ARL3: variants seen among roughly 807,000 people sequenced by gnomAD.
ARL3 encodes the protein ADP-ribosylation factor-like protein 3.
A neutral mutation model predicts 26.0 loss-of-function variants in ARL3; 9 were observed. The observed-to-expected ratio is 0.35, with a 90% CI of 0.21 to 0.60. ARL3 has a LOEUF of 0.60. ARL3 is among the 20% of genes least tolerant of loss of function. The pLI is 0.78. For missense variants in ARL3, 158 were observed against 215.7 expected, an observed-to-expected ratio of 0.73 and a Z score of 1.67; for synonymous variants, 71 against 78.4, an observed-to-expected ratio of 0.91 and a Z score of 0.50.
At chr10:102,680,311 G>T (rs1364428341) in intron 5 of ARL3, among the ~76,000 whole-genome samples, 2 of 152,042 alleles carry the variant, frequency 1.3e-5, no homozygotes, top group South Asian at 2.1e-4. Flanking sequence ...TGGGGATGAC[G>T]ATCTTACGGT....
chr10:102,702,020 CAA>C (rs34993485), intron 2 of ARL3, among the ~76,000 whole-genome samples: 73,038 of 118,098 alleles, frequency 0.62, 22,203 homozygotes, highest in East Asian at 0.82. Context: ...CCATCTCTAC[CAA>C]AAAAAAAAAA....
chr10:102,713,379 CAG>C (rs2136013826), intron 1 of ARL3, among the ~76,000 whole-genome samples: 2 of 152,294 alleles, frequency 1.3e-5, no homozygotes, highest in Non-Finnish European at 2.9e-5. Flanking sequence ...TTGGGACTGA[CAG>C]AGAAAAGCCT....
intron 1 of ARL3, among the ~76,000 whole-genome samples, chr10:102,708,769 T>C (rs886696968): frequency 6.6e-6 from 1 of 151,502 alleles, no homozygotes; most frequent in Non-Finnish European, 1.5e-5. Flanking sequence ...GGCAGGAGAA[T>C]TGCTTAAACC....
At chr10:102,700,712 C>T (rs1238854715) in intron 2 of ARL3, among the ~76,000 whole-genome samples, 1 of 151,252 alleles carries the variant, frequency 6.6e-6, no homozygotes, top group African/African-American at 2.4e-5. Flanking sequence ...GATCCGCCCA[C>T]CTTGGCCTTC....
chr10:102,699,843 T>A (rs1342816804), intron 2 of ARL3, among the ~76,000 whole-genome samples: 1 of 152,108 alleles, frequency 6.6e-6, no homozygotes, highest in East Asian at 1.9e-4. Context: ...TAACAGGACA[T>A]TTCATGTAAC....
rs544531697 is a variant in ARL3, at chr10:102,714,300, C to G, written c.-25G>C. On this transcript the variant is annotated 5_prime_UTR_variant, in exon 1 of 6. Transcript: ENST00000260746. ...TCCTCCCGCCGAGTCCCTCCTCCTC[C>G]TCCTCCTCCTGCTGCCTCCCCCGTT... The G allele has an allele frequency of 7.6e-7, 1 of 1,311,790 alleles. No homozygotes were observed. The highest frequency in any genetic ancestry group is 9.8e-7 in the Non-Finnish European group (1 of 1,022,124). 81.3% of individuals were successfully genotyped at this position (1,311,790 alleles called of 1,614,324 possible).
chr10:102,701,547 G>A (rs1410323213), intron 2 of ARL3, among the ~76,000 whole-genome samples: 2 of 152,128 alleles, frequency 1.3e-5, no homozygotes, highest in Non-Finnish European at 2.9e-5. Context: ...TAAGCTTATT[G>A]AAAAAAGTTT....
chr10:102,693,259 A>G (rs994209160), intron 3 of ARL3, among the ~76,000 whole-genome samples: 21 of 152,192 alleles, frequency 1.4e-4, no homozygotes, highest in African/African-American at 4.1e-4. Flanking sequence ...TTTGTAAGAA[A>G]CTACCAACTG....
intron 3 of ARL3, among the ~76,000 whole-genome samples, chr10:102,692,799 T>C (rs7902758): frequency 1 from 152,016 of 152,286 alleles, 75,873 homozygotes; most frequent in East Asian, 1. Flanking sequence ...AGCTCCATCT[T>C]CTGGGTTCAT....
rs1168612521 is a variant in ARL3 at position 102,676,902 on chromosome 10, T to C, written c.541A>G (p.Lys181Glu). ...CTCCATTCGTCTAGATTTTATTTCT[T>C]CTTTGCATTGACATTTTTGCAGACC... is the stretch of plus-strand genomic sequence containing the variant. ...NWVCKNVNAK[K>E]K Residue 181 changes from lysine (K) to glutamate (E), a missense_variant, in exon 6 of 6, where the codon AAG becomes GAG. By Grantham distance (56) the Lys-to-Glu change is moderately conservative. Transcript: ENST00000260746. 2 of 1,614,204 alleles carry C rather than the reference T, an allele frequency of 1.2e-6. No individual in the cohort carries two copies. The highest frequency in any genetic ancestry group is 4.5e-5 in the East Asian group (2 of 44,892).
chr10:102,680,224 G>T (rs1251454636), intron 5 of ARL3, among the ~76,000 whole-genome samples: 1 of 152,152 alleles, frequency 6.6e-6, no homozygotes, highest in Non-Finnish European at 1.5e-5. Context: ...GATTACAGGC[G>T]TGAGCCACTG....
chr10:102,709,479 CAAAA>C (rs11290496), intron 1 of ARL3, among the ~76,000 whole-genome samples: 2 of 114,362 alleles, frequency 1.7e-5, no homozygotes. Flanking sequence ...ATATCCCTAC[CAAAA>C]AAAAAAAAAA....
At chr10:102,684,889 C>T (rs148170386) in intron 5 of ARL3, among the ~76,000 whole-genome samples, 1,852 of 150,910 alleles carry the variant, frequency 0.012, 35 homozygotes, top group African/African-American at 0.039. Flanking sequence ...GTGATCCACC[C>T]GCCTCGGCCT....
intron 3 of ARL3, among the ~76,000 whole-genome samples, chr10:102,692,519 G>A (rs1031125611): frequency 6.7e-6 from 1 of 149,532 alleles, no homozygotes; most frequent in African/African-American, 2.5e-5. Context: ...GGGTTCAAGC[G>A]ATACTCCTGC....
At chr10:102,689,248 C>G (rs538548370) in intron 4 of ARL3, among the ~76,000 whole-genome samples, 5 of 151,628 alleles carry the variant, frequency 3.3e-5, no homozygotes, top group African/African-American at 1.2e-4. Flanking sequence ...TCACTTGAAC[C>G]TGGGAGGTTG....
intron 3 of ARL3, among the ~76,000 whole-genome samples, chr10:102,692,897 C>T (rs1025789676): frequency 4.6e-5 from 7 of 152,244 alleles, no homozygotes; most frequent in Middle Eastern, 3.4e-3. Context: ...AGGGTTTCAC[C>T]GTGTTAGCCA....
chr10:102,702,373 G>A (rs1418197595), intron 2 of ARL3, among the ~76,000 whole-genome samples: 1 of 152,040 alleles, frequency 6.6e-6, no homozygotes, highest in South Asian at 2.1e-4. Flanking sequence ...TTTCTCAATT[G>A]TATTTATTTA....
At chr10:102,690,607 A>C (rs2064212038) in intron 3 of ARL3, among the ~76,000 whole-genome samples, 1 of 152,152 alleles carries the variant, frequency 6.6e-6, no homozygotes, top group South Asian at 2.1e-4. Flanking sequence ...AATTATGTTA[A>C]GTTTAAACAC....
chr10:102,692,563 G>A (rs527585073), intron 3 of ARL3, among the ~76,000 whole-genome samples: 2 of 151,566 alleles, frequency 1.3e-5, no homozygotes, highest in South Asian at 2.1e-4. Flanking sequence ...TTACAGGCAT[G>A]TGCCACCACA....
Sources: allele counts gnomAD v4.1 joint callset (sites outside exome capture counted in the v4.1 genomes callset), GRCh38; gene constraint gnomAD v4.1.1; transcripts MANE v1.5; gene names NCBI Gene and HGNC (gene_info 2026-07-23, HGNC 2026-07-21).